DENND4C: variants seen among roughly 807,000 people sequenced by gnomAD.
DENND4C encodes the protein DENN domain containing 4C, also known as DENN domain-containing protein 4C.
A neutral mutation model predicts 203.0 loss-of-function variants in DENND4C; 108 were observed. The ratio of observed to expected loss-of-function variants is 0.53; its 90% confidence interval spans 0.46 to 0.62. The LOEUF is 0.62. DENND4C is among the 20% of genes least tolerant of loss of function. DENND4C has a pLI of 0.00. For synonymous variants in DENND4C, 871 were observed against 792.4 expected, an observed-to-expected ratio of 1.10 and a Z score of -1.67; for missense variants, 2,481 against 2,301.2, an observed-to-expected ratio of 1.08 and a Z score of -1.60.
intron 30 of DENND4C, among the ~76,000 whole-genome samples, chr9:19,362,943 C>T (rs764899047): frequency 5.3e-4 from 80 of 152,300 alleles, no homozygotes; most frequent in Non-Finnish European, 1.0e-3. Context: ...CATTAAGCAG[C>T]TTTCAAACTG....
intron 1 of DENND4C, among the ~76,000 whole-genome samples, chr9:19,274,269 G>C (rs1374686573): frequency 6.6e-6 from 1 of 151,760 alleles, no homozygotes; most frequent in Non-Finnish European, 1.5e-5. Context: ...GGAGGAACAA[G>C]AAAATTTTGA....
At chr9:19,351,928 C>G in intron 24 of DENND4C, 145 bp from the exon 25 acceptor site, 2 of 590,446 alleles carry the variant, frequency 3.4e-6, no homozygotes, top group South Asian at 2.3e-5. Flanking sequence ...TTATCTCTTT[C>G]TATGTATGCA....
At chr9:19,235,136 TG>T (rs1288299260) in intron 1 of DENND4C, among the ~76,000 whole-genome samples, 1 of 152,070 alleles carries the variant, frequency 6.6e-6, no homozygotes, top group African/African-American at 2.4e-5. Context: ...AGCTAATTTT[TG>T]TATTTTTAGT....
intron 1 of DENND4C, among the ~76,000 whole-genome samples, chr9:19,251,107 G>A (rs957686176): frequency 2.0e-5 from 3 of 152,186 alleles, no homozygotes; most frequent in African/African-American, 4.8e-5. Context: ...TGAGGGCCCC[G>A]CCCCTGCAGC....
intron 1 of DENND4C, among the ~76,000 whole-genome samples, chr9:19,266,694 T>G (rs1830573576): frequency 6.6e-6 from 1 of 152,180 alleles, no homozygotes; most frequent in Non-Finnish European, 1.5e-5. Flanking sequence ...CCATCTGATC[T>G]TTGACAAACC....
chr9:19,347,529 T>C (rs1225828073), intron 23 of DENND4C, among the ~76,000 whole-genome samples: 1 of 152,242 alleles, frequency 6.6e-6, no homozygotes, highest in Non-Finnish European at 1.5e-5. Flanking sequence ...ATATGGAATG[T>C]TTGTATATCT....
chr9:19,362,191 T>A (rs1826639285), intron 30 of DENND4C, among the ~76,000 whole-genome samples: 1 of 152,140 alleles, frequency 6.6e-6, no homozygotes, highest in Non-Finnish European at 1.5e-5. Context: ...TGAAAATCGC[T>A]TGAACCTGGG....
intron 20 of DENND4C, among the ~76,000 whole-genome samples, chr9:19,340,280 CCTA>C (rs1821315395): frequency 6.6e-6 from 1 of 152,112 alleles, no homozygotes; most frequent in South Asian, 2.1e-4. Flanking sequence ...CAAAAACAAA[CCTA>C]CTAAGATGTT....
At chr9:19,263,844 G>C (rs1829940124) in intron 1 of DENND4C, among the ~76,000 whole-genome samples, 1 of 150,714 alleles carries the variant, frequency 6.6e-6, no homozygotes, top group South Asian at 2.1e-4. Flanking sequence ...ATTTTTGGTA[G>C]AGACAGGATT....
At chr9:19,256,330 A>T (rs1490668548) in intron 1 of DENND4C, among the ~76,000 whole-genome samples, 43 of 66,290 alleles carry the variant, frequency 6.5e-4, no homozygotes, top group East Asian at 2.7e-3. Context: ...TTTTTTTGAG[A>T]TGGAGTTTCG....
chr9:19,240,185 T>A (rs1823318704), intron 1 of DENND4C, among the ~76,000 whole-genome samples: 1 of 152,178 alleles, frequency 6.6e-6, no homozygotes, highest in African/African-American at 2.4e-5. Flanking sequence ...TGTGCAAGCA[T>A]CATATAGTGT....
chr9:19,356,956 C>A lies in DENND4C; in HGVS notation c.4782-16C>A, dbSNP rs774444307. ...GGATTTTTAAAGGCTCTTTTTCCCC[C>A]CTTTTCCTTATGTAGCTTTTTCCTG... is the stretch of plus-strand genomic sequence containing the variant. On this transcript the variant is annotated splice_polypyrimidine_tract_variant and intron_variant, in intron 26 of 32. Transcript: ENST00000434457. 3.1e-6 allele frequency: 5 copies of A among 1,610,032 alleles called. No individual in the cohort carries two copies. Among genetic ancestry groups the A allele is most frequent in the Non-Finnish European group, 4.2e-6 (5 of 1,178,414 alleles).
Position 19,252,408 on chromosome 9 carries a change from A to G in DENND4C, c.-18+21575A>G, listed in dbSNP as rs1321006318. ...TTGGGTGGGAACACAGCCAAACCGT[A>G]TCATCTACATTAAAAAAAAGATTAA... On this transcript the variant is annotated intron_variant, in intron 1 of 32. Transcript: ENST00000434457. 4.6e-5 allele frequency among the ~76,000 whole-genome samples: 7 copies of G among 152,048 alleles called. No individual in the cohort carries two copies. In the South Asian group the frequency reaches 1.2e-3, roughly 27 times the overall value.
chr9:19,239,161 T>C (rs536066449), intron 1 of DENND4C, among the ~76,000 whole-genome samples: 133 of 152,282 alleles, frequency 8.7e-4, no homozygotes, highest in Middle Eastern at 3.4e-3. Flanking sequence ...CTGCTTTTTT[T>C]CCCCGAGCGT....
At position 19,328,175 on chromosome 9, in the gene DENND4C, TTATC is replaced by T; in HGVS notation, c.2253+16_2253+19del. Reference sequence around the variant, plus strand: ...GAGAACTAAACAGGTCAGATATTCTTTATCTAATACATGTTCATTTAAGATGTAA... The same window carrying T: ...GAGAACTAAACAGGTCAGATATTCTTTAATACATGTTCATTTAAGATGTAA... On this transcript the variant is annotated intron_variant, in intron 16 of 32. Transcript: ENST00000434457. 6.3e-7 allele frequency: 1 copy of T among 1,597,038 alleles called. No homozygotes were observed. Among genetic ancestry groups the T allele is most frequent in the South Asian group, 1.1e-5 (1 of 87,644 alleles).
intron 10 of DENND4C, among the ~76,000 whole-genome samples, chr9:19,311,539 A>G (rs1431517727): frequency 6.6e-6 from 1 of 152,210 alleles, no homozygotes; most frequent in East Asian, 1.9e-4. Flanking sequence ...CAGTTTTTGT[A>G]AATATTCTAT....
chr9:19,258,910 C>G (rs1276113177), intron 1 of DENND4C, among the ~76,000 whole-genome samples: 1 of 152,136 alleles, frequency 6.6e-6, no homozygotes, highest in South Asian at 2.1e-4. Flanking sequence ...CTGCCTCGGC[C>G]TCCCAAAGTG....
chr9:19,372,271 T>A lies in DENND4C; in HGVS notation c.*98T>A. The A allele has an allele frequency of 2.1e-6, 3 of 1,440,556 alleles. No individual in the cohort carries two copies. The highest frequency in any genetic ancestry group is 1.9e-6 in the Non-Finnish European group (2 of 1,062,096). The allele number at this position is 1,440,556 out of a possible 1,614,324, so 89.2% of individuals were successfully genotyped here. On this transcript the variant is annotated 3_prime_UTR_variant, in exon 33 of 33. Coordinates refer to ENST00000434457, the MANE Select transcript of DENND4C (RefSeq NM_001330640.2). ...TTTCCAAATCGTAAGAACTGGTGAA[T>A]ACGGAATTGAAGTAACTCTTGGGGA... is the stretch of plus-strand genomic sequence containing the variant.
In DENND4C at chr9:19,336,326, G is replaced by A. The variant is rs779633488; in HGVS notation, c.2646G>A (p.Thr882=). The change falls in exon 19 of 33, where the codon ACG becomes ACA. Residue 882 remains threonine, a synonymous_variant. Coordinates refer to ENST00000434457, the MANE Select transcript of DENND4C (RefSeq NM_001330640.2). ...CCCGCAGTGGTATTTTCTTATGGACGAAGGTACGGAATGTGGTACGTGGCT... is the reference window on the plus strand; with the variant it reads ...CCCGCAGTGGTATTTTCTTATGGACAAAGGTACGGAATGTGGTACGTGGCT... ...SSTRSGIFLW[T]KVRNVVRGLA... is the part of the protein sequence containing the mutation. 1 of 1,614,040 alleles carries A rather than the reference G, an allele frequency of 6.2e-7. No homozygotes were observed. Among genetic ancestry groups the A allele is most frequent in the East Asian group, 2.2e-5 (1 of 44,872 alleles).
Sources: gnomAD v4.1 joint callset for allele counts (sites outside exome capture counted in the v4.1 genomes callset) on GRCh38, gnomAD v4.1.1 for gene constraint, MANE v1.5 for transcripts, NCBI Gene and HGNC (gene_info 2026-07-23, HGNC 2026-07-21) for gene names.